Variants in CATSPER4 observed in about 807,000 individuals in gnomAD.
The protein encoded by CATSPER4 is cation channel sperm-associated protein 4.
CATSPER4 carries 46 observed loss-of-function variants against 54.4 expected under a neutral mutation model. That is an observed-to-expected ratio of 0.84 (90% CI 0.67 to 1.08). CATSPER4 has a LOEUF of 1.08. Ranked by LOEUF, CATSPER4 falls within the 50% of genes least tolerant of loss-of-function variation. The probability of loss-of-function intolerance (pLI) is 0.00; values close to 1 mark genes in which losing one functional copy is unlikely to be tolerated. For missense variants in CATSPER4, 574 were observed against 612.8 expected (o/e 0.94, Z 0.67); for synonymous variants, 230 against 231.9 (o/e 0.99, Z 0.08).
At chr1:26,197,150 C>T (rs544803430) in intron 3 of CATSPER4, among the ~76,000 whole-genome samples, 3 of 152,272 alleles carry the variant, frequency 2.0e-5, no homozygotes, top group Non-Finnish European at 4.4e-5. Context: ...TCGTGATCCA[C>T]CTGCCTCAGA....
Position 26,190,830 on chromosome 1 carries a change from C to T in CATSPER4, c.203C>T (p.Thr68Met), listed in dbSNP as rs369168726. The change falls in exon 1 of 10, where the codon ACG becomes ATG. Residue 68 changes from threonine (T) to methionine (M), a missense_variant. Coordinates refer to ENST00000456354, the MANE Select transcript of CATSPER4 (RefSeq NM_198137.2). ...GTGCTCATCAACCGCCAGGAAATCA[C>T]GAACAAAGCGGTAAGGATAGCTCTC... is the stretch of plus-strand genomic sequence containing the variant. ...EQVLINRQEI[T>M]NKADAWDMQE... 2.1e-5 allele frequency: 33 copies of T among 1,608,966 alleles called. No homozygotes were observed. Among genetic ancestry groups the T allele is most frequent in the South Asian group, 7.8e-5 (7 of 90,180 alleles).
chr1:26,193,937 C>T, intron 3 of CATSPER4, 49 bp downstream of exon 3: 1 of 1,252,744 alleles, frequency 8.0e-7, no homozygotes, highest in South Asian at 1.2e-5. Context: ...GACTGCACAC[C>T]ACCCAGTCTG....
At chr1:26,190,906 T>C (rs2124521361) in intron 1 of CATSPER4, 66 bp downstream of exon 1, 1 of 1,459,856 alleles carries the variant, frequency 6.8e-7, no homozygotes, top group Non-Finnish European at 9.4e-7. Context: ...CAGGCCCTCA[T>C]GGTAACTCTG....
chr1:26,197,648 G>A (rs753565107), intron 3 of CATSPER4, 38 bp from the exon 4 acceptor site: 1 of 1,475,894 alleles, frequency 6.8e-7, no homozygotes, highest in East Asian at 2.3e-5. Context: ...CCATGGGCTG[G>A]GCCTGACAGA....
At position 26,200,786 on chromosome 1, in the gene CATSPER4, C is replaced by A. The variant is rs780535462; in HGVS notation, c.988-44C>A. ...GCAGGAAAAGGGTGCCGGGGGCGTG[C>A]CTGCCTGAGCTGTCCCGACCCCTCT... is the stretch of plus-strand genomic sequence containing the variant. On this transcript the variant is annotated intron_variant, in intron 7 of 9. Coordinates refer to ENST00000456354, the MANE Select transcript of CATSPER4 (RefSeq NM_198137.2). 2.7e-6 allele frequency: 4 copies of A among 1,506,250 alleles called. No individual in the cohort carries two copies. In the East Asian group the frequency reaches 6.8e-5, roughly 25 times the overall value. The allele number at this position is 1,506,250 out of a possible 1,614,324, so 93.3% of individuals were successfully genotyped here.
intron 6 of CATSPER4, 96 bp from the exon 7 acceptor site, chr1:26,199,788 C>G: frequency 7.3e-7 from 1 of 1,368,964 alleles, no homozygotes; most frequent in Non-Finnish European, 1.0e-6. Flanking sequence ...GGCAGAAGTT[C>G]TAGTAGGCCT....
Position 26,202,555 on chromosome 1 carries a change from G to A in CATSPER4, c.*13G>A, listed in dbSNP as rs1303475900. 20 of 1,607,772 alleles carry A rather than the reference G, an allele frequency of 1.2e-5. No homozygotes were observed. The South Asian group carries it at 2.1e-4, about 17-fold the overall frequency. On this transcript the variant is annotated 3_prime_UTR_variant, in exon 10 of 10. Transcript: ENST00000456354. ...GAGCAGCCACTGAGAGGCCAGGATG[G>A]GAGCCAAGGGGCCTGCACACACACA...
intron 2 of CATSPER4, among the ~76,000 whole-genome samples, chr1:26,191,895 C>A (rs1454677224): frequency 6.6e-6 from 1 of 152,056 alleles, no homozygotes; most frequent in Non-Finnish European, 1.5e-5. Flanking sequence ...GGCACTCGAA[C>A]CTAATCTCAG....
Position 26,191,320 on chromosome 1 carries a change from A to G in CATSPER4, c.247A>G (p.Met83Val), listed in dbSNP as rs142583631. 8.0e-3 allele frequency: 12,929 copies of G among 1,614,062 alleles called. 57 individuals carry two copies. Among genetic ancestry groups the G allele is most frequent in the Middle Eastern group, 0.01 (63 of 6,062 alleles). Residue 83 changes from methionine to valine, a missense_variant, in exon 2 of 10, where the codon ATG (methionine) becomes GTG (valine). Coordinates refer to ENST00000456354, the MANE Select transcript of CATSPER4 (RefSeq NM_198137.2). Reference sequence around the variant, plus strand: ...GGACATGCAGGAGTTCATCACTCACATGTACATCAAGCAGCTGCTCCGACA... The same window carrying G: ...GGACATGCAGGAGTTCATCACTCACGTGTACATCAAGCAGCTGCTCCGACA... ...AWDMQEFITHMYIKQLLRHPA... is the reference protein window; with the variant it reads ...AWDMQEFITHVYIKQLLRHPA...
intron 3 of CATSPER4, among the ~76,000 whole-genome samples, chr1:26,196,849 TGTAA>T (rs1229343681): frequency 2.0e-5 from 3 of 152,108 alleles, no homozygotes; most frequent in Non-Finnish European, 2.9e-5. Context: ...CTCATTCCTG[TGTAA>T]GTGTCTTATT....
chr1:26,190,769 A>G lies in CATSPER4; in HGVS notation c.142A>G (p.Thr48Ala). 1 of 1,613,514 alleles carries G rather than the reference A, an allele frequency of 6.2e-7. No homozygotes were observed. The highest frequency in any genetic ancestry group is 8.5e-7 in the Non-Finnish European group (1 of 1,179,860). Reference protein sequence around the residue: ...LRGRPSPLQSTIHESYGRPEE... With the variant: ...LRGRPSPLQSAIHESYGRPEE... ...GGGCCGCCCCTCTCCCCTGCAGAGTACCATTCACGAGTCCTACGGTCGGCC... is the reference window on the plus strand; with the variant it reads ...GGGCCGCCCCTCTCCCCTGCAGAGTGCCATTCACGAGTCCTACGGTCGGCC... Residue 48 changes from threonine (T) to alanine (A), a missense_variant, in exon 1 of 10, where the codon ACC (threonine) becomes GCC (alanine). Physicochemically the swap from Thr to Ala is moderately conservative, Grantham distance 58. Transcript: ENST00000456354.
At position 26,200,845 on chromosome 1, in the gene CATSPER4, G is replaced by T. The variant is rs1430372571; in HGVS notation, c.1003G>T (p.Glu335Ter). Residue 335 changes from glutamate to a stop codon, truncating the protein, a stop_gained, in exon 8 of 10, where the codon GAG becomes TAG. Transcript: ENST00000456354. LOFTEE classifies it high-confidence loss of function. ...CGCTTCCCAGACAGGCGCAGAGGAA[G>T]AGGAGGAGAATGACCAGCTGCCACT... ...ITFSETGAEE[E>*]EENDQLPLVH... 2 of 1,613,988 alleles carry T rather than the reference G, an allele frequency of 1.2e-6. No homozygotes were observed. The highest frequency in any genetic ancestry group is 2.2e-5 in the South Asian group (2 of 91,078).
At position 26,202,854 on chromosome 1, in the gene CATSPER4, C is replaced by T; in HGVS notation, c.*312C>T. The T allele has an allele frequency of 2.2e-6, 1 of 457,002 alleles. No individual in the cohort carries two copies. The highest frequency in any genetic ancestry group is 2.5e-5 in the South Asian group (1 of 40,310). 28.3% of individuals were successfully genotyped at this position (457,002 alleles called of 1,614,324 possible). A position where few individuals can be genotyped will look rare whatever the true frequency, so the allele number is the denominator to read the frequency against. ...AAGGATGGGGATCCCTGGCCCCCTG[C>T]TCTTGCCCAGAGCTGGTGGGGGGCC... On this transcript the variant is annotated 3_prime_UTR_variant, in exon 10 of 10. Transcript: ENST00000456354.
At chr1:26,196,197 G>T (rs2124525586) in intron 3 of CATSPER4, among the ~76,000 whole-genome samples, 1 of 123,632 alleles carries the variant, frequency 8.1e-6, no homozygotes. Flanking sequence ...TTTCCAGGTT[G>T]GTCGCAAACT....
chr1:26,195,704 G>A (rs528057311), intron 3 of CATSPER4, among the ~76,000 whole-genome samples: 6 of 152,108 alleles, frequency 3.9e-5, no homozygotes, highest in Admixed American at 1.3e-4. Flanking sequence ...GGGTCTCACC[G>A]TGTTAGCCAG....
Position 26,202,475 on chromosome 1 carries a change from C to T in CATSPER4, c.1366-14C>T, listed in dbSNP as rs772391412. The T allele has an allele frequency of 2.5e-6, 4 of 1,610,270 alleles. No homozygotes were observed. Among genetic ancestry groups the T allele is most frequent in the Non-Finnish European group, 3.4e-6 (4 of 1,178,092 alleles). On this transcript the variant is annotated splice_polypyrimidine_tract_variant and intron_variant, in intron 9 of 9. Coordinates refer to ENST00000456354, the MANE Select transcript of CATSPER4 (RefSeq NM_198137.2). ...GGGAGTGGGGGATTAACAAGAAGAC[C>T]TCTTGGTTTGCAGGTTCATGACTCT...
rs773351643 is a variant in CATSPER4 at position 26,197,852 on chromosome 1, G to A, written c.557+69G>A. On this transcript the variant is annotated intron_variant, in intron 4 of 9. Coordinates refer to ENST00000456354, the MANE Select transcript of CATSPER4 (RefSeq NM_198137.2). ...CCCAGGAATGAGATGGGGGGATAACGACCAGCTGGAGATCAGCTTTGCCTC... is the reference window on the plus strand; with the variant it reads ...CCCAGGAATGAGATGGGGGGATAACAACCAGCTGGAGATCAGCTTTGCCTC... The A allele has an allele frequency of 2.2e-5, 36 of 1,605,946 alleles. No homozygotes were observed. The East Asian group carries it at 2.5e-4, about 11-fold the overall frequency.
In CATSPER4 at chr1:26,190,676, G is replaced by C; in HGVS notation, c.49G>C (p.Gly17Arg). ...GTGGCAGCAATGGACCTCCCATACAGGCCTCGAGGGGTGGGGCGGGACTCA... is the reference window on the plus strand; with the variant it reads ...GTGGCAGCAATGGACCTCCCATACACGCCTCGAGGGGTGGGGCGGGACTCA... ...AWWQQWTSHT[G>R]LEGWGGTQED... The change falls in exon 1 of 10, where the codon GGC becomes CGC. Residue 17 changes from glycine to arginine, a missense_variant. Gly to Arg is a moderately radical substitution (Grantham distance 125, BLOSUM62 -2). Coordinates refer to ENST00000456354, the MANE Select transcript of CATSPER4 (RefSeq NM_198137.2). 1 of 1,610,596 alleles carries C rather than the reference G, an allele frequency of 6.2e-7. No homozygotes were observed. Among genetic ancestry groups the C allele is most frequent in the Non-Finnish European group, 8.5e-7 (1 of 1,179,926 alleles).
chr1:26,200,961 G>C lies in CATSPER4; in HGVS notation c.1119G>C (p.Thr373=). 6.2e-7 allele frequency: 1 copy of C among 1,614,106 alleles called. No homozygotes were observed. Among genetic ancestry groups the C allele is most frequent in the Non-Finnish European group, 8.5e-7 (1 of 1,180,014 alleles). Residue 373 remains threonine, a synonymous_variant, in exon 8 of 10, where the codon ACG becomes ACC. Coordinates refer to ENST00000456354, the MANE Select transcript of CATSPER4 (RefSeq NM_198137.2). ...CCCTGTCGAACCTCTCAGAAAACAC[G>C]TGTGACAACTTTTGCTTGGTGCTTG... is the stretch of plus-strand genomic sequence containing the variant. ...GGPLSNLSEN[T]CDNFCLVLEA... is the part of the protein sequence containing the mutation.
Sources: allele counts gnomAD v4.1 joint callset (sites outside exome capture counted in the v4.1 genomes callset), GRCh38; gene constraint gnomAD v4.1.1; transcripts MANE v1.5; gene names NCBI Gene and HGNC (gene_info 2026-07-23, HGNC 2026-07-21).